The following SLAMF6 variants were observed in gnomAD, a reference collection of about 807,000 sequenced individuals.
SLAMF6 encodes SLAM family member 6.
A neutral mutation model predicts 38.3 loss-of-function variants in SLAMF6; 21 were observed. That is an observed-to-expected ratio of 0.55 (90% CI 0.39 to 0.79). The LOEUF is 0.79. Ranked by LOEUF, SLAMF6 falls within the 30% of genes least tolerant of loss-of-function variation. The pLI is 0.00. For missense variants in SLAMF6, 341 were observed against 385.3 expected (o/e 0.89, Z 0.96); for synonymous variants, 152 against 146.3 (o/e 1.04, Z -0.28).
chr1:160,520,634 T>C (rs1321768027), intron 1 of SLAMF6, among the ~76,000 whole-genome samples: 3 of 152,190 alleles, frequency 2.0e-5, no homozygotes, highest in Non-Finnish European at 2.9e-5. Context: ...TTTACAATTA[T>C]TGTTTTGTTC....
intron 1 of SLAMF6, among the ~76,000 whole-genome samples, chr1:160,515,573 A>G (rs1442750949): frequency 2.6e-5 from 4 of 152,210 alleles, no homozygotes; most frequent in Admixed American, 6.5e-5. Context: ...CTTCAGGCCA[A>G]TATCCTGATG....
chr1:160,488,020 G>A (rs113728333), intron 6 of SLAMF6, among the ~76,000 whole-genome samples: 3,800 of 151,632 alleles, frequency 0.025, 85 homozygotes, highest in Middle Eastern at 0.054. Flanking sequence ...AGCATGAGGA[G>A]GTTGAGGCTG....
At chr1:160,499,826 T>C (rs550699757) in intron 1 of SLAMF6, among the ~76,000 whole-genome samples, 143 of 152,312 alleles carry the variant, frequency 9.4e-4, no homozygotes, top group African/African-American at 3.2e-3. Flanking sequence ...TGAATTGTCA[T>C]ATGGGTTCCA....
At chr1:160,493,194 T>C (rs987563324) in intron 2 of SLAMF6, among the ~76,000 whole-genome samples, 2 of 152,160 alleles carry the variant, frequency 1.3e-5, no homozygotes, top group African/African-American at 4.8e-5. Flanking sequence ...CTTACTCTGC[T>C]CCTGGACGTT....
chr1:160,496,066 A>T lies in SLAMF6; in HGVS notation c.377T>A (p.Ile126Lys). 6.2e-7 allele frequency: 1 copy of T among 1,608,054 alleles called. No individual in the cohort carries two copies. The highest frequency in any genetic ancestry group is 8.5e-7 in the Non-Finnish European group (1 of 1,176,254). The change falls in exon 2 of 8, where the codon ATA (isoleucine) becomes AAA (lysine). Residue 126 changes from isoleucine (I) to lysine (K), a missense_variant. By Grantham distance (102) the Ile-to-Lys change is moderately radical. Transcript: ENST00000368057. The stretch of plus-strand genomic sequence containing the variant: ...AACCCCATATTTTGACTTACTTAAT[A>T]TCCTCAGAGTGTAACTGGACAGCTT... Reference protein sequence around the residue: ...SAKLSSYTLRILRQLRNIQVT... With the variant: ...SAKLSSYTLRKLRQLRNIQVT...
At chr1:160,490,762 C>A (rs1009934411) in intron 3 of SLAMF6, 77 bp from the exon 4 acceptor site, 10 of 1,548,814 alleles carry the variant, frequency 6.5e-6, no homozygotes, top group South Asian at 1.3e-5. Flanking sequence ...CGTGGAGCCT[C>A]TTCTAGGCCA....
chr1:160,510,901 A>G (rs2102057356), intron 1 of SLAMF6, among the ~76,000 whole-genome samples: 1 of 152,340 alleles, frequency 6.6e-6, no homozygotes. Flanking sequence ...AAGATACAAA[A>G]TCAATGTATA....
intron 1 of SLAMF6, among the ~76,000 whole-genome samples, chr1:160,509,016 G>C (rs1306676490): frequency 1.3e-5 from 2 of 152,210 alleles, no homozygotes; most frequent in Non-Finnish European, 2.9e-5. Context: ...AGATGCTGGA[G>C]AGGATATGGA....
intron 1 of SLAMF6, among the ~76,000 whole-genome samples, chr1:160,502,264 G>A (rs771509104): frequency 8.5e-5 from 13 of 152,202 alleles, no homozygotes; most frequent in Non-Finnish European, 1.5e-4. Context: ...GAATGGGAAA[G>A]ATGCCTCATG....
chr1:160,488,809 T>A (rs556024676), intron 6 of SLAMF6, among the ~76,000 whole-genome samples: 1 of 152,336 alleles, frequency 6.6e-6, no homozygotes, highest in East Asian at 1.9e-4. Flanking sequence ...ACATAATTTG[T>A]ACTTTCAGTC....
intron 2 of SLAMF6, among the ~76,000 whole-genome samples, chr1:160,493,202 G>A (rs1287092042): frequency 6.6e-6 from 1 of 152,084 alleles, no homozygotes; most frequent in African/African-American, 2.4e-5. Context: ...GCTCCTGGAC[G>A]TTTGGCCTCC....
chr1:160,487,652 T>G (rs139270434), intron 6 of SLAMF6, among the ~76,000 whole-genome samples: 1 of 152,262 alleles, frequency 6.6e-6, no homozygotes, highest in African/African-American at 2.4e-5. Context: ...GCATGGGGAA[T>G]TGGTAGAATA....
chr1:160,490,844 A>T, intron 3 of SLAMF6, 159 bp from the exon 4 acceptor site: 1 of 705,704 alleles, frequency 1.4e-6, no homozygotes, highest in Non-Finnish European at 1.7e-6. Flanking sequence ...CAGGCAGGGG[A>T]GGGTGGGGCC....
chr1:160,491,368 C>T lies in SLAMF6; in HGVS notation c.403G>A (p.Val135Ile), dbSNP rs1401228090. The T allele has an allele frequency of 6.2e-7, 1 of 1,613,396 alleles. No homozygotes were observed. The highest frequency in any genetic ancestry group is 8.5e-7 in the Non-Finnish European group (1 of 1,179,748). ...TGAAATAGCTGACTGTGATTGGTAACTTGTATGTTCCTCAGTTGTCCTGTT... is the reference window on the plus strand; with the variant it reads ...TGAAATAGCTGACTGTGATTGGTAATTTGTATGTTCCTCAGTTGTCCTGTT... ...RILRQLRNIQ[V>I]TNHSQLFQNM... Residue 135 changes from valine to isoleucine, a missense_variant, in exon 3 of 8, where the codon GTT becomes ATT. Transcript: ENST00000368057.
intron 1 of SLAMF6, 126 bp downstream of exon 1, chr1:160,523,018 G>T: frequency 2.1e-6 from 2 of 942,000 alleles, no homozygotes; most frequent in South Asian, 1.5e-5. Flanking sequence ...CACTGCCAGC[G>T]TCCCCTTTCC....
At chr1:160,495,581 A>G (rs1218008722) in intron 2 of SLAMF6, among the ~76,000 whole-genome samples, 1 of 152,134 alleles carries the variant, frequency 6.6e-6, no homozygotes, top group Non-Finnish European at 1.5e-5. Context: ...TGACCACTCT[A>G]CTGGGTCAGA....
chr1:160,489,278 A>G, intron 5 of SLAMF6, 108 bp from the exon 6 acceptor site: 1 of 1,028,032 alleles, frequency 9.7e-7, no homozygotes, highest in Non-Finnish European at 1.5e-6. Flanking sequence ...CAGGTGTTTG[A>G]AGCATCTCCT....
chr1:160,493,858 G>C (rs771259094), intron 2 of SLAMF6, among the ~76,000 whole-genome samples: 2 of 152,116 alleles, frequency 1.3e-5, no homozygotes, highest in Non-Finnish European at 2.9e-5. Context: ...CAGCAGGAGA[G>C]AGAGAGAAAG....
At chr1:160,509,347 C>A (rs1654353487) in intron 1 of SLAMF6, among the ~76,000 whole-genome samples, 1 of 152,148 alleles carries the variant, frequency 6.6e-6, no homozygotes, top group South Asian at 2.1e-4. Context: ...AGCTCTTGTC[C>A]TTTGTAGGGA....
Sources: allele counts gnomAD v4.1 joint callset (sites outside exome capture counted in the v4.1 genomes callset), GRCh38; gene constraint gnomAD v4.1.1; transcripts MANE v1.5; gene names NCBI Gene and HGNC (gene_info 2026-07-23, HGNC 2026-07-21).